SYN3: variants seen among roughly 807,000 people sequenced by gnomAD.
SYN3 encodes the protein synapsin III, also known as synapsin-3.
In SYN3, 35 loss-of-function variants were observed where a neutral mutation model predicts 65.8. The ratio of observed to expected loss-of-function variants is 0.53; its 90% CI spans 0.41 to 0.70. The LOEUF is 0.70. Ranked by LOEUF, SYN3 falls within the 30% of genes least tolerant of loss-of-function variation. SYN3 has a pLI of 0.00. For synonymous variants in SYN3, 270 were observed against 292.9 expected, an observed-to-expected ratio of 0.92 and a Z score of 0.80; for missense variants, 680 against 749.0, an observed-to-expected ratio of 0.91 and a Z score of 1.08.
At chr22:32,806,457 T>G (rs2046739076) in intron 6 of SYN3, among the ~76,000 whole-genome samples, 1 of 152,144 alleles carries the variant, frequency 6.6e-6, no homozygotes. Flanking sequence ...TTCCAGCCAG[T>G]ATGGACAAGG....
At chr22:32,568,124 T>C (rs1223848308) in intron 7 of SYN3, among the ~76,000 whole-genome samples, 1 of 152,208 alleles carries the variant, frequency 6.6e-6, no homozygotes, top group Non-Finnish European at 1.5e-5. Flanking sequence ...CCTTTGCTCC[T>C]AGCTGCTGTG....
chr22:32,972,910 G>A (rs913105601), intron 3 of SYN3, among the ~76,000 whole-genome samples: 3 of 152,092 alleles, frequency 2.0e-5, no homozygotes, highest in Admixed American at 2.0e-4. Context: ...TTGGGAGGCT[G>A]GAGTGGGAGG....
intron 1 of SYN3, among the ~76,000 whole-genome samples, chr22:33,037,492 T>C (rs5994660): frequency 6.6e-6 from 1 of 152,348 alleles, no homozygotes; most frequent in South Asian, 2.1e-4. Context: ...TTTCTAATAG[T>C]GTTTGTCAAA....
intron 7 of SYN3, among the ~76,000 whole-genome samples, chr22:32,595,529 G>T (rs1418112042): frequency 6.6e-6 from 1 of 152,128 alleles, no homozygotes; most frequent in Admixed American, 6.5e-5. Context: ...TTATATTATT[G>T]ACTTTTGCAG....
At chr22:32,782,193 C>G (rs1367393200) in intron 6 of SYN3, among the ~76,000 whole-genome samples, 1 of 151,992 alleles carries the variant, frequency 6.6e-6, no homozygotes, top group Non-Finnish European at 1.5e-5. Context: ...CTCAGCCTCC[C>G]AAGTAGCTGG....
chr22:32,646,056 A>G (rs1003917339), intron 6 of SYN3, among the ~76,000 whole-genome samples: 1 of 152,136 alleles, frequency 6.6e-6, no homozygotes, highest in African/African-American at 2.4e-5. Flanking sequence ...CTAGAGTGGA[A>G]GTGGCTGCTT....
chr22:32,585,772 C>T (rs73399230), intron 7 of SYN3, among the ~76,000 whole-genome samples: 5,619 of 151,974 alleles, frequency 0.037, 211 homozygotes, highest in African/African-American at 0.092. Flanking sequence ...GCTCTGCTTA[C>T]GCCTAGAATC....
chr22:32,781,651 A>ATATATAT (rs2046067301), intron 6 of SYN3, among the ~76,000 whole-genome samples: 2 of 151,234 alleles, frequency 1.3e-5, no homozygotes, highest in African/African-American at 4.9e-5. Context: ...AGGAGGTGTT[A>ATATATAT]CTTAGGTGTT....
chr22:33,027,835 A>G (rs1377984356), intron 1 of SYN3, among the ~76,000 whole-genome samples: 1 of 152,254 alleles, frequency 6.6e-6, no homozygotes, highest in Non-Finnish European at 1.5e-5. Context: ...CAGAGGATCC[A>G]GTTCAACAAC....
At chr22:32,973,447 G>T (rs1037258646) in intron 3 of SYN3, among the ~76,000 whole-genome samples, 1 of 151,962 alleles carries the variant, frequency 6.6e-6, no homozygotes, top group South Asian at 2.1e-4. Context: ...ATTAATAAAG[G>T]TTATCTCCTA....
At chr22:32,751,819 T>C (rs1050003292) in intron 6 of SYN3, among the ~76,000 whole-genome samples, 2 of 152,210 alleles carry the variant, frequency 1.3e-5, no homozygotes. Context: ...GCCATAGTGA[T>C]GGTTTACACT....
At chr22:32,571,638 A>C (rs1177879510) in intron 7 of SYN3, among the ~76,000 whole-genome samples, 2 of 152,218 alleles carry the variant, frequency 1.3e-5, no homozygotes, top group Non-Finnish European at 2.9e-5. Context: ...TTAAAAAATA[A>C]AACCAAAAGA....
intron 6 of SYN3, among the ~76,000 whole-genome samples, chr22:32,668,359 C>T (rs908481047): frequency 3.4e-5 from 5 of 148,338 alleles, no homozygotes; most frequent in African/African-American, 7.7e-5. Context: ...CTCATTTCCA[C>T]CCCCCCTTCC....
intron 2 of SYN3, among the ~76,000 whole-genome samples, chr22:33,001,772 T>C (rs991564594): frequency 3.9e-5 from 6 of 152,246 alleles, no homozygotes; most frequent in Non-Finnish European, 5.9e-5. Flanking sequence ...TATTCCCATT[T>C]AGGTGCAGTA....
At chr22:32,685,547 G>A (rs976780767) in intron 6 of SYN3, among the ~76,000 whole-genome samples, 5 of 152,140 alleles carry the variant, frequency 3.3e-5, no homozygotes, top group Non-Finnish European at 7.3e-5. Context: ...AAATACCAAT[G>A]TGGTACCACT....
intron 4 of SYN3, among the ~76,000 whole-genome samples, chr22:32,882,626 T>C (rs2049171700): frequency 6.6e-6 from 1 of 152,188 alleles, no homozygotes; most frequent in African/African-American, 2.4e-5. Context: ...GCAAGTAGCC[T>C]GGCTCCAGAG....
chr22:33,006,404 T>C lies in SYN3; in HGVS notation c.259A>G (p.Ile87Val), dbSNP rs2094230184. 1.2e-6 allele frequency: 2 copies of C among 1,613,960 alleles called. No individual in the cohort carries two copies. Among genetic ancestry groups the C allele is most frequent in the Non-Finnish European group, 1.7e-6 (2 of 1,179,960 alleles). ...LMEPPGPSTPIVQRPRILLVI... is the reference protein window; with the variant it reads ...LMEPPGPSTPVVQRPRILLVI... ...AACAGGATCCTGGGTCTTTGAACAA[T>C]GGGCGTGGAGGGACCTGGAGGCTCC... Residue 87 changes from isoleucine to valine, a missense_variant, in exon 2 of 14, where the codon ATT (isoleucine) becomes GTT (valine). Coordinates refer to ENST00000358763, the MANE Select transcript of SYN3 (RefSeq NM_003490.4).
chr22:32,544,509 C>T (rs1276829834), intron 7 of SYN3, among the ~76,000 whole-genome samples: 1 of 152,238 alleles, frequency 6.6e-6, no homozygotes, highest in Admixed American at 6.5e-5. Context: ...TTTTAGTCCA[C>T]TCTTTGGCAA....
chr22:32,596,606 G>A lies in SYN3; in HGVS notation c.774+68C>T, dbSNP rs960882962. On this transcript the variant is annotated intron_variant, in intron 7 of 13. Transcript: ENST00000358763. The stretch of plus-strand genomic sequence containing the variant: ...AAGGGGTTGATGGGTGACAGAGGGA[G>A]AGAGGAACAGGTAGTCTGGGGAATC... The A allele has an allele frequency of 2.6e-6, 4 of 1,535,884 alleles. No homozygotes were observed. The Admixed American group carries it at 6.9e-5, about 26-fold the overall frequency.
Sources: gnomAD v4.1 joint callset for allele counts (sites outside exome capture counted in the v4.1 genomes callset) on GRCh38, gnomAD v4.1.1 for gene constraint, MANE v1.5 for transcripts, NCBI Gene and HGNC (gene_info 2026-07-23, HGNC 2026-07-21) for gene names.